The following JARID2 variants were observed in gnomAD, a reference collection of about 807,000 sequenced individuals.
JARID2 encodes jumonji and AT-rich interaction domain containing 2.
In JARID2, 21 loss-of-function variants were observed where a neutral mutation model predicts 125.6. The observed-to-expected ratio is 0.17, with a 90% CI of 0.12 to 0.24. The LOEUF is 0.24. JARID2 is among the 10% of genes least tolerant of loss of function. JARID2 has a pLI of 1.00. For synonymous variants in JARID2, 736 were observed against 661.6 expected (o/e 1.11, Z -1.73); for missense variants, 1,303 against 1,639.6 (o/e 0.79, Z 3.55).
chr6:15,502,906 T>C (rs73724427), intron 8 of JARID2, among the ~76,000 whole-genome samples: 118 of 152,358 alleles, frequency 7.7e-4, no homozygotes, highest in African/African-American at 2.8e-3. Flanking sequence ...CCTGAATGTT[T>C]TACTGAGAAG....
chr6:15,505,365 T>TTTTC (rs1554146732), intron 9 of JARID2: 1 of 130,374 alleles, frequency 7.7e-6, no homozygotes, highest in African/African-American at 2.8e-5. Flanking sequence ...TTTTTTTTTT[T>TTTTC]CCCCTTAATG....
chr6:15,273,108 C>T (rs970872343), intron 1 of JARID2, among the ~76,000 whole-genome samples: 3 of 152,114 alleles, frequency 2.0e-5, no homozygotes, highest in Admixed American at 2.0e-4. Flanking sequence ...GTTGGGTCCT[C>T]ATTTTTTACG....
intron 1 of JARID2, among the ~76,000 whole-genome samples, chr6:15,343,006 G>C (rs1372757894): frequency 1.3e-5 from 2 of 152,042 alleles, no homozygotes; most frequent in African/African-American, 4.8e-5. Flanking sequence ...GTTTTGGGCG[G>C]GTTACCTGAG....
chr6:15,464,466 G>A (rs1186842227), intron 4 of JARID2, among the ~76,000 whole-genome samples: 1 of 152,186 alleles, frequency 6.6e-6, no homozygotes, highest in Non-Finnish European at 1.5e-5. Flanking sequence ...GTTCATGAGT[G>A]CTCCCCCTGG....
At chr6:15,323,263 T>C (rs1330996095) in intron 1 of JARID2, among the ~76,000 whole-genome samples, 1 of 152,248 alleles carries the variant, frequency 6.6e-6, no homozygotes, top group African/African-American at 2.4e-5. Context: ...ATATCTGAAC[T>C]GTGTAGGATT....
At chr6:15,448,376 T>A (rs1212106027) in intron 3 of JARID2, among the ~76,000 whole-genome samples, 1 of 152,224 alleles carries the variant, frequency 6.6e-6, no homozygotes, top group Non-Finnish European at 1.5e-5. Context: ...CTCCGTTGTC[T>A]GTGCTTCGTC....
chr6:15,328,493 G>T (rs1435331005), intron 1 of JARID2, among the ~76,000 whole-genome samples: 1 of 152,182 alleles, frequency 6.6e-6, no homozygotes, highest in Non-Finnish European at 1.5e-5. Flanking sequence ...TTATCATTTA[G>T]TGTCATTGGG....
chr6:15,361,738 A>C (rs897515355), intron 1 of JARID2, among the ~76,000 whole-genome samples: 4 of 152,032 alleles, frequency 2.6e-5, no homozygotes, highest in African/African-American at 9.7e-5. Context: ...ACTGCAAGAA[A>C]CCTCATTCTG....
intron 5 of JARID2, among the ~76,000 whole-genome samples, chr6:15,482,007 C>T (rs532092036): frequency 1.3e-4 from 20 of 152,258 alleles, no homozygotes; most frequent in South Asian, 1.2e-3. Context: ...GGTTTTGTGA[C>T]CTCAAAATAC....
chr6:15,435,301 A>G (rs1026657308), intron 3 of JARID2, among the ~76,000 whole-genome samples: 4 of 152,220 alleles, frequency 2.6e-5, no homozygotes, highest in African/African-American at 7.2e-5. Flanking sequence ...GTCCAACATT[A>G]TTTAAACTAA....
intron 1 of JARID2, among the ~76,000 whole-genome samples, chr6:15,299,083 C>T (rs954102963): frequency 6.6e-6 from 1 of 151,090 alleles, no homozygotes; most frequent in Non-Finnish European, 1.5e-5. Flanking sequence ...TCATGGTGTA[C>T]ACGAACACAT....
In JARID2 at chr6:15,284,203, A is replaced by G. The variant is rs528552014; in HGVS notation, c.45+37619A>G. Among the ~76,000 whole-genome samples the G allele has an allele frequency of 2.6e-5, 4 of 151,944 alleles. No homozygotes were observed. The East Asian group carries it at 7.8e-4, about 30-fold the overall frequency. ...AGCTAAACACCACCCTCCAGCTTGCACTCTCCCATCACCCTACCCACTAAA... is the reference window on the plus strand; with the variant it reads ...AGCTAAACACCACCCTCCAGCTTGCGCTCTCCCATCACCCTACCCACTAAA... On this transcript the variant is annotated intron_variant, in intron 1 of 17. Coordinates refer to ENST00000341776, the MANE Select transcript of JARID2 (RefSeq NM_004973.4).
chr6:15,504,454 G>T (rs773352722), intron 8 of JARID2, 46 bp from the exon 9 acceptor site: 1 of 1,448,788 alleles, frequency 6.9e-7, no homozygotes, highest in Non-Finnish European at 9.7e-7. Context: ...TTGCAGTAGG[G>T]TTCAGCTTTG....
chr6:15,405,149 T>C lies in JARID2; in HGVS notation c.182-5075T>C, dbSNP rs9476823. ...CCCATCATATAAGGCAAGAGGGAGATAGCCATACACTAGTGTCTCCAGTTA... is the reference window on the plus strand; with the variant it reads ...CCCATCATATAAGGCAAGAGGGAGACAGCCATACACTAGTGTCTCCAGTTA... On this transcript the variant is annotated intron_variant, in intron 2 of 17. Transcript: ENST00000341776. 1.3e-3 allele frequency among the ~76,000 whole-genome samples: 205 copies of C among 152,368 alleles called. 2 individuals are homozygous for C. The highest frequency in any genetic ancestry group is 4.8e-3 in the African/African-American group (199 of 41,590).
At chr6:15,498,754 T>C (rs1471887486) in intron 7 of JARID2, among the ~76,000 whole-genome samples, 2 of 152,260 alleles carry the variant, frequency 1.3e-5, no homozygotes, top group Non-Finnish European at 2.9e-5. Context: ...TGGTTTGTGC[T>C]CTGCTGTTGG....
chr6:15,248,394 G>C (rs1288270419), intron 1 of JARID2: 1 of 138,470 alleles, frequency 7.2e-6, no homozygotes, highest in Non-Finnish European at 1.6e-5. Context: ...GGGGTGGCGC[G>C]GCCTGCGGGG....
intron 5 of JARID2, among the ~76,000 whole-genome samples, chr6:15,471,030 A>G (rs1487432691): frequency 6.6e-6 from 1 of 152,234 alleles, no homozygotes; most frequent in African/African-American, 2.4e-5. Context: ...AATAAAGGAA[A>G]AAATTATTGT....
At chr6:15,382,597 T>C (rs1329252544) in intron 2 of JARID2, among the ~76,000 whole-genome samples, 2 of 152,066 alleles carry the variant, frequency 1.3e-5, no homozygotes, top group Non-Finnish European at 2.9e-5. Context: ...TTTTTAGAGG[T>C]ATATAGGTCA....
intron 3 of JARID2, among the ~76,000 whole-genome samples, chr6:15,416,786 T>A (rs1766248705): frequency 6.6e-6 from 1 of 152,146 alleles, no homozygotes; most frequent in Non-Finnish European, 1.5e-5. Flanking sequence ...ACAGAGACTT[T>A]CATCCTGTTC....
Sources: gnomAD v4.1 joint callset for allele counts (sites outside exome capture counted in the v4.1 genomes callset) on GRCh38, gnomAD v4.1.1 for gene constraint, MANE v1.5 for transcripts, NCBI Gene and HGNC (gene_info 2026-07-23, HGNC 2026-07-21) for gene names.